ANO4: variants seen among roughly 807,000 people sequenced by gnomAD.
The protein encoded by ANO4 is anoctamin 4.
ANO4 carries 69 observed loss-of-function variants against 141.9 expected under a neutral mutation model. The observed-to-expected ratio is 0.49, with a 90% CI of 0.40 to 0.59. The LOEUF is 0.59. Among genes scored for constraint, ANO4 ranks in the 20% least tolerant of loss-of-function variants. The pLI is 0.00. For missense variants in ANO4, 894 were observed against 1,162.2 expected (o/e 0.77, Z 3.36); for synonymous variants, 350 against 394.3 (o/e 0.89, Z 1.33).
At chr12:100,823,151 A>G (rs992979750) in intron 1 of ANO4, among the ~76,000 whole-genome samples, 1 of 152,058 alleles carries the variant, frequency 6.6e-6, no homozygotes, top group African/African-American at 2.4e-5. Context: ...TCCCTGTGTT[A>G]TGTAAATATT....
intron 14 of ANO4, chr12:101,068,773 C>A: frequency 7.9e-7 from 1 of 1,260,118 alleles, no homozygotes; most frequent in Non-Finnish European, 1.2e-6. Context: ...AGCCTGCTTA[C>A]ATAGCCTGGC....
chr12:101,089,688 C>T (rs2049670305), intron 17 of ANO4, among the ~76,000 whole-genome samples: 2 of 152,154 alleles, frequency 1.3e-5, no homozygotes, highest in Admixed American at 1.3e-4. Flanking sequence ...GTGGCATGGG[C>T]AAAGGCTTCA....
chr12:100,833,320 AAG>A (rs2036733906), intron 1 of ANO4, among the ~76,000 whole-genome samples: 2 of 152,292 alleles, frequency 1.3e-5, no homozygotes, highest in South Asian at 4.1e-4. Flanking sequence ...ATTGTATAAA[AAG>A]AGTAATATAC....
At position 100,927,989 on chromosome 12, in the gene ANO4, C is replaced by T. The variant is rs149326179; in HGVS notation, c.160+5659C>T. 3.5e-3 allele frequency among the ~76,000 whole-genome samples: 534 copies of T among 152,244 alleles called. 5 individuals carry two copies. The highest frequency in any genetic ancestry group is 0.012 in the African/African-American group (515 of 41,540). On this transcript the variant is annotated intron_variant, in intron 3 of 27. Coordinates refer to ENST00000392977, the MANE Select transcript of ANO4 (RefSeq NM_001286615.2). ...GTGCTTGCACGTGTGTCTACATAATCATATAGCTGTGCCTACATTAGGGGT... is the reference window on the plus strand; with the variant it reads ...GTGCTTGCACGTGTGTCTACATAATTATATAGCTGTGCCTACATTAGGGGT...
chr12:100,780,826 G>A (rs538746911), intron 3 of ANO4, among the ~76,000 whole-genome samples: 2 of 152,322 alleles, frequency 1.3e-5, no homozygotes, highest in Admixed American at 6.5e-5. Context: ...TTACAGGTGT[G>A]AGCCTCTGTG....
chr12:101,056,806 T>G (rs191765234), intron 14 of ANO4, among the ~76,000 whole-genome samples: 1 of 151,718 alleles, frequency 6.6e-6, no homozygotes, highest in Non-Finnish European at 1.5e-5. Context: ...GGGTATAGAA[T>G]TTTGCCAAAA....
chr12:100,971,608 A>C (rs377293221), intron 6 of ANO4, among the ~76,000 whole-genome samples: 1 of 152,212 alleles, frequency 6.6e-6, no homozygotes, highest in East Asian at 1.9e-4. Context: ...TGGCTAATTT[A>C]GTTCTTAGCA....
intron 1 of ANO4, among the ~76,000 whole-genome samples, chr12:100,801,460 C>T (rs1480212230): frequency 1.3e-5 from 2 of 151,422 alleles, no homozygotes; most frequent in African/African-American, 2.4e-5. Flanking sequence ...TAAGTGCCTT[C>T]TATAAGCAAA....
At position 101,091,210 on chromosome 12, in the gene ANO4, G is replaced by A. The variant is rs371042257; in HGVS notation, c.1702-3046G>A. The stretch of plus-strand genomic sequence containing the variant: ...ACTAGAATAACATAAGGTTGCTAAC[G>A]CAAGAATACTGATGAGAACAGGGAA... On this transcript the variant is annotated intron_variant, in intron 17 of 27. Coordinates refer to ENST00000392977, the MANE Select transcript of ANO4 (RefSeq NM_001286615.2). Among the ~76,000 whole-genome samples the A allele has an allele frequency of 5.3e-5, 8 of 152,078 alleles. No individual in the cohort carries two copies. The East Asian group carries it at 9.6e-4, about 18-fold the overall frequency.
intron 1 of ANO4, among the ~76,000 whole-genome samples, chr12:100,830,319 G>A (rs2036570073): frequency 6.6e-6 from 1 of 152,068 alleles, no homozygotes; most frequent in African/African-American, 2.4e-5. Flanking sequence ...AATGGCAGCA[G>A]TAAGAGGTCT....
At chr12:101,099,512 T>G in intron 21 of ANO4, 66 bp from the exon 22 acceptor site, 3 of 1,448,502 alleles carry the variant, frequency 2.1e-6, no homozygotes, top group Non-Finnish European at 2.8e-6. Context: ...CAAACTCTCC[T>G]TTTTCTTATT....
intron 1 of ANO4, among the ~76,000 whole-genome samples, chr12:100,854,495 C>T (rs1400269623): frequency 6.6e-6 from 1 of 152,092 alleles, no homozygotes; most frequent in Non-Finnish European, 1.5e-5. Flanking sequence ...GTATACACAG[C>T]ATTGAGTATT....
At chr12:100,774,649 T>G (rs898918084) in intron 3 of ANO4, among the ~76,000 whole-genome samples, 13 of 152,228 alleles carry the variant, frequency 8.5e-5, no homozygotes, top group African/African-American at 3.1e-4. Flanking sequence ...CCACAACATA[T>G]GCGAATGCAC....
chr12:100,875,705 A>G (rs532727863), intron 1 of ANO4, among the ~76,000 whole-genome samples: 2 of 152,338 alleles, frequency 1.3e-5, no homozygotes, highest in East Asian at 3.9e-4. Context: ...TTAAAGGTAA[A>G]GTCAATAGGA....
At chr12:101,080,898 T>TATATATATAC (rs1555296578) in intron 15 of ANO4, among the ~76,000 whole-genome samples, 3 of 124,076 alleles carry the variant, frequency 2.4e-5, no homozygotes, top group Non-Finnish European at 5.2e-5. Context: ...TATATATATA[T>TATATATATAC]ATACATACAC....
chr12:100,893,669 G>C (rs2040211046), intron 1 of ANO4, among the ~76,000 whole-genome samples: 1 of 152,110 alleles, frequency 6.6e-6, no homozygotes, highest in African/African-American at 2.4e-5. Flanking sequence ...CAAAACCAAT[G>C]GAGCAGGGAA....
chr12:100,951,396 C>A (rs931497217), intron 5 of ANO4, among the ~76,000 whole-genome samples: 2 of 152,178 alleles, frequency 1.3e-5, no homozygotes, highest in African/African-American at 4.8e-5. Context: ...ATGTTCGCTG[C>A]AGCACTGTTC....
At chr12:100,721,190 C>T (rs970772365) in intron 1 of ANO4, among the ~76,000 whole-genome samples, 1 of 152,208 alleles carries the variant, frequency 6.6e-6, no homozygotes, top group African/African-American at 2.4e-5. Flanking sequence ...CCCCATCTTC[C>T]TCTCCTGTCC....
intron 8 of ANO4, 98 bp downstream of exon 8, chr12:100,987,768 C>A: frequency 6.8e-7 from 1 of 1,478,440 alleles, no homozygotes; most frequent in Non-Finnish European, 9.1e-7. Context: ...GAGGAAGGAA[C>A]AGCATAGTGC....
Sources: allele counts gnomAD v4.1 joint callset (sites outside exome capture counted in the v4.1 genomes callset), GRCh38; gene constraint gnomAD v4.1.1; transcripts MANE v1.5; gene names NCBI Gene and HGNC (gene_info 2026-07-23, HGNC 2026-07-21).